Variants in KLHL29 observed in about 807,000 individuals in gnomAD.
KLHL29 encodes the protein kelch-like protein 29.
A neutral mutation model predicts 80.4 loss-of-function variants in KLHL29; 21 were observed. The observed-to-expected ratio is 0.26, with a 90% confidence interval of 0.19 to 0.38. The LOEUF is 0.38. Among genes scored for constraint, KLHL29 ranks in the 10% least tolerant of loss-of-function variants. The pLI, the probability that KLHL29 is intolerant of heterozygous loss-of-function variation, is 1.00. For synonymous variants in KLHL29, 511 were observed against 526.8 expected, an observed-to-expected ratio of 0.97 and a Z score of 0.41; for missense variants, 867 against 1,223.9, an observed-to-expected ratio of 0.71 and a Z score of 4.35.
At chr2:23,601,223 G>C (rs2103523210) in intron 3 of KLHL29, among the ~76,000 whole-genome samples, 1 of 152,302 alleles carries the variant, frequency 6.6e-6, no homozygotes, top group African/African-American at 2.4e-5. Context: ...GTTTATGAGT[G>C]TCTCCCAGGA....
chr2:23,603,133 A>G (rs764830066), intron 3 of KLHL29, among the ~76,000 whole-genome samples: 5 of 152,146 alleles, frequency 3.3e-5, no homozygotes, highest in Non-Finnish European at 5.9e-5. Flanking sequence ...CCCAGGGCAA[A>G]CAAGGGCTCA....
In KLHL29 at chr2:23,700,773, T is replaced by G. The variant is rs1672311976; in HGVS notation, c.2106-2413T>G. Among the ~76,000 whole-genome samples, 1 of 152,196 alleles carries G rather than the reference T, an allele frequency of 6.6e-6. No individual in the cohort carries two copies. The highest frequency in any genetic ancestry group is 2.4e-5 in the African/African-American group (1 of 41,450). Reference sequence around the variant, plus strand: ...ACCTCTTGTTCCGGTTGAAGTGCCCTTGACTACAGAGCAGTGGCCTGCTGG... The same window carrying G: ...ACCTCTTGTTCCGGTTGAAGTGCCCGTGACTACAGAGCAGTGGCCTGCTGG... On this transcript the variant is annotated intron_variant, in intron 11 of 13. Coordinates refer to ENST00000486442, the MANE Select transcript of KLHL29 (RefSeq NM_052920.2). This position sits in a 1 kb window ranked among gnomAD's most constrained non-coding sequence, Gnocchi z 4.6.
chr2:23,421,167 A>G (rs1220681387), intron 1 of KLHL29, among the ~76,000 whole-genome samples: 2 of 152,122 alleles, frequency 1.3e-5, no homozygotes, highest in East Asian at 3.9e-4. Flanking sequence ...TGTTTCTTCC[A>G]CCTGTTCCAG....
At chr2:23,581,258 T>C (rs1667972837) in intron 3 of KLHL29, among the ~76,000 whole-genome samples, 1 of 152,226 alleles carries the variant, frequency 6.6e-6, no homozygotes, top group Non-Finnish European at 1.5e-5. Context: ...TTGGTCCTCC[T>C]TTCCAGTCCC....
At chr2:23,423,895 C>G (rs926028669) in intron 1 of KLHL29, among the ~76,000 whole-genome samples, 4 of 152,196 alleles carry the variant, frequency 2.6e-5, no homozygotes, top group Non-Finnish European at 5.9e-5. Flanking sequence ...GAGCAGGGAG[C>G]TTTGTCACAG....
chr2:23,468,621 A>T (rs1485020947), intron 1 of KLHL29, among the ~76,000 whole-genome samples: 1 of 152,066 alleles, frequency 6.6e-6, no homozygotes, highest in Admixed American at 6.5e-5. Flanking sequence ...GTGAGCTACT[A>T]TGCTGTCTGT....
rs1558436934 is a variant in KLHL29, at chr2:23,680,736, C to CCCTGGGGTCTCTAGGCCATCTTCT, written c.941-3594_941-3571dup. ...CCCCTGGGGTCTCTAGGCCATCTTC[C>CCCTGGGGTCTCTAGGCCATCTTCT]CCTGGGGTCTCTAGGCCATCTTCTC... On this transcript the variant is annotated intron_variant, in intron 5 of 13. Coordinates refer to ENST00000486442, the MANE Select transcript of KLHL29 (RefSeq NM_052920.2). This position sits in a 1 kb window ranked among gnomAD's most constrained non-coding sequence, Gnocchi z 4.1. Among the ~76,000 whole-genome samples, 9 of 144,534 alleles carry CCCTGGGGTCTCTAGGCCATCTTCT rather than the reference C, an allele frequency of 6.2e-5. 2 individuals carry two copies. In the East Asian group the frequency reaches 1.0e-3, roughly 16 times the overall value. The allele number at this position is 144,534 out of a possible 152,430, so 94.8% of individuals were successfully genotyped here. A position where few individuals can be genotyped will look rare whatever the true frequency, so the allele number is the denominator to read the frequency against.
chr2:23,583,739 A>G (rs758459844), intron 3 of KLHL29, among the ~76,000 whole-genome samples: 1 of 152,260 alleles, frequency 6.6e-6, no homozygotes, highest in Non-Finnish European at 1.5e-5. Context: ...TAACCCTCAC[A>G]GAAAGCTCTT....
chr2:23,475,084 A>C (rs2075815428), intron 1 of KLHL29, among the ~76,000 whole-genome samples: 1 of 151,862 alleles, frequency 6.6e-6, no homozygotes, highest in Non-Finnish European at 1.5e-5. Flanking sequence ...TGTGTGAAAA[A>C]AGTAATGATT....
intron 5 of KLHL29, among the ~76,000 whole-genome samples, chr2:23,666,476 G>A (rs886849113): frequency 1.3e-5 from 2 of 152,112 alleles, no homozygotes; most frequent in Non-Finnish European, 1.5e-5. Context: ...AGTCTTTCTC[G>A]GGGACCAAGG....
intron 1 of KLHL29, among the ~76,000 whole-genome samples, chr2:23,434,098 G>C (rs1021100076): frequency 1.3e-5 from 2 of 151,980 alleles, no homozygotes; most frequent in African/African-American, 4.8e-5. Flanking sequence ...GAGACGGGCG[G>C]ATCACGAGGT....
At chr2:23,666,859 G>C (rs1302541894) in intron 5 of KLHL29, among the ~76,000 whole-genome samples, 1 of 152,198 alleles carries the variant, frequency 6.6e-6, no homozygotes, top group Non-Finnish European at 1.5e-5. Context: ...GCAGCTATAA[G>C]GCACCTGGCA....
At chr2:23,703,919 G>A in intron 13 of KLHL29, 56 bp downstream of exon 13, 2 of 1,484,290 alleles carry the variant, frequency 1.3e-6, no homozygotes, top group Middle Eastern at 1.7e-4. Flanking sequence ...GAGGAGGAGG[G>A]GTGTGACCAC....
intron 1 of KLHL29, among the ~76,000 whole-genome samples, chr2:23,471,087 CG>C (rs1478884968): frequency 1.3e-5 from 2 of 152,142 alleles, no homozygotes; most frequent in Non-Finnish European, 2.9e-5. Flanking sequence ...AGGGTGGGCT[CG>C]GGAGCCGGTT....
At position 23,637,370 on chromosome 2, in the gene KLHL29, G is replaced by A. The variant is rs1669643085; in HGVS notation, c.286-1769G>A. ...GCTATTGTTCCCTAAGACTATTAGT[G>A]AGTGCGGCTAAGTCCCCAACCCCCT... is the stretch of plus-strand genomic sequence containing the variant. On this transcript the variant is annotated intron_variant, in intron 3 of 13. Coordinates refer to ENST00000486442, the MANE Select transcript of KLHL29 (RefSeq NM_052920.2). 2.6e-5 allele frequency among the ~76,000 whole-genome samples: 4 copies of A among 152,248 alleles called. No individual in the cohort carries two copies. The South Asian group carries it at 8.3e-4, about 32-fold the overall frequency.
At chr2:23,395,056 T>C (rs2103384818) in intron 1 of KLHL29, among the ~76,000 whole-genome samples, 1 of 152,344 alleles carries the variant, frequency 6.6e-6, no homozygotes, top group Middle Eastern at 3.4e-3. Flanking sequence ...CTTTGTCTTT[T>C]AGCCTTCCTT....
At position 23,656,932 on chromosome 2, in the gene KLHL29, G is replaced by GAA. The variant is rs58320389; in HGVS notation, c.940+14101_940+14102dup. 5.6e-3 allele frequency among the ~76,000 whole-genome samples: 619 copies of GAA among 110,058 alleles called. 4 individuals carry two copies. The highest frequency in any genetic ancestry group is 0.018 in the African/African-American group (547 of 29,738). 72.2% of individuals were successfully genotyped at this position (110,058 alleles called of 152,430 possible). On this transcript the variant is annotated intron_variant, in intron 5 of 13. Transcript: ENST00000486442. ...CTTCCCCTCCCCTCGTCCCCAACAG[G>GAA]AAAAAAAAAAAAAAAAAAAACTGGT...
intron 5 of KLHL29, among the ~76,000 whole-genome samples, chr2:23,657,661 T>C (rs1451173782): frequency 6.6e-6 from 1 of 152,184 alleles, no homozygotes; most frequent in Non-Finnish European, 1.5e-5. Context: ...GCAGAAAGAA[T>C]TCACTGGCCC....
intron 2 of KLHL29, among the ~76,000 whole-genome samples, chr2:23,501,389 A>G (rs1262780507): frequency 3.3e-5 from 5 of 152,088 alleles, no homozygotes; most frequent in Admixed American, 3.3e-4. Context: ...AGGTGCAGGC[A>G]CGTTCCCTGA....
Sources: allele counts gnomAD v4.1 joint callset (sites outside exome capture counted in the v4.1 genomes callset), GRCh38; gene constraint gnomAD v4.1.1; non-coding constraint Gnocchi (gnomAD v3.1); transcripts MANE v1.5; gene names NCBI Gene and HGNC (gene_info 2026-07-23, HGNC 2026-07-21).